Variants in GSE1 observed in about 807,000 individuals in gnomAD.
GSE1 encodes Gse1 coiled-coil protein.
In GSE1, 32 loss-of-function variants were observed where a neutral mutation model predicts 112.6. The observed-to-expected ratio is 0.28, with a 90% CI of 0.21 to 0.38. The LOEUF is 0.38. Ranked by LOEUF, GSE1 falls within the 10% of genes least tolerant of loss-of-function variation. The pLI, the probability that GSE1 is intolerant of heterozygous loss-of-function variation, is 1.00. For missense variants in GSE1, 2,348 were observed against 1,699.2 expected, an observed-to-expected ratio of 1.38 and a Z score of -6.71; for synonymous variants, 1,115 against 735.6, an observed-to-expected ratio of 1.52 and a Z score of -8.35.
intron 1 of GSE1, chr16:85,595,325 T>C (rs954340523): frequency 6.6e-6 from 1 of 152,290 alleles, no homozygotes; most frequent in Non-Finnish European, 1.5e-5. Flanking sequence ...AAGCATCCTT[T>C]CTCTGCATCC....
At chr16:85,503,986 G>C (rs2051453826) in intron 2 of GSE1, among the ~76,000 whole-genome samples, 1 of 152,216 alleles carries the variant, frequency 6.6e-6, no homozygotes. Context: ...GTCAGGTGTG[G>C]CGGTGGTCAC....
At chr16:85,517,162 C>A (rs948684368) in intron 2 of GSE1, among the ~76,000 whole-genome samples, 11 of 152,010 alleles carry the variant, frequency 7.2e-5, no homozygotes, top group African/African-American at 2.4e-4. Flanking sequence ...AGGCTGTGTC[C>A]CCCCTCGCTG....
chr16:85,591,027 C>T (rs2151433490), intron 1 of GSE1, among the ~76,000 whole-genome samples: 1 of 152,322 alleles, frequency 6.6e-6, no homozygotes, highest in Non-Finnish European at 1.5e-5. Context: ...ATTTGAGGTG[C>T]CTGTGTCCCG....
intron 1 of GSE1, among the ~76,000 whole-genome samples, chr16:85,571,191 C>T (rs2045965865): frequency 6.6e-6 from 1 of 152,142 alleles, no homozygotes; most frequent in African/African-American, 2.4e-5. Flanking sequence ...TCCCTTGAGC[C>T]CCGGAGTCAC....
intron 1 of GSE1, among the ~76,000 whole-genome samples, chr16:85,345,661 T>G (rs903174104): frequency 6.6e-6 from 1 of 152,250 alleles, no homozygotes; most frequent in Admixed American, 6.5e-5. Flanking sequence ...CTTGTGCTGT[T>G]TGTCCTTATG....
At chr16:85,281,545 T>C (rs965958804) in intron 1 of GSE1, among the ~76,000 whole-genome samples, 2 of 152,202 alleles carry the variant, frequency 1.3e-5, no homozygotes, top group African/African-American at 2.4e-5. Flanking sequence ...TCTTAATTAG[T>C]TGGGGCTAAG....
chr16:85,615,964 C>T (rs900371877), intron 1 of GSE1, among the ~76,000 whole-genome samples: 6 of 152,252 alleles, frequency 3.9e-5, no homozygotes, highest in South Asian at 2.1e-4. Flanking sequence ...AAGCCTCCTC[C>T]GATGGCCCCG....
At chr16:85,476,754 G>A (rs967252759) in intron 2 of GSE1, among the ~76,000 whole-genome samples, 8 of 150,546 alleles carry the variant, frequency 5.3e-5, no homozygotes, top group Admixed American at 2.0e-4. Flanking sequence ...GACTATAGGC[G>A]TGCACCACCA....
At chr16:85,350,573 A>AAGACGCCTTCCCCAGCAC (rs776935771) in intron 1 of GSE1, among the ~76,000 whole-genome samples, 2 of 151,900 alleles carry the variant, frequency 1.3e-5, no homozygotes, top group Non-Finnish European at 2.9e-5. Flanking sequence ...ACCCAAGGCC[A>AAGACGCCTTCCCCAGCAC]AGACGCCTTC....
chr16:85,331,359 G>GTATATATATGTATA, intron 1 of GSE1, among the ~76,000 whole-genome samples: 1 of 54,480 alleles, frequency 1.8e-5, no homozygotes, highest in Non-Finnish European at 4.4e-5. Context: ...GTGTGTGTGT[G>GTATATATATGTATA]TGTGTGTATA....
chr16:85,247,031 A>T (rs1285990665), intron 1 of GSE1, among the ~76,000 whole-genome samples: 1 of 151,754 alleles, frequency 6.6e-6, no homozygotes, highest in Admixed American at 6.6e-5. Context: ...TTCTTCTCTG[A>T]CCCATCTCGT....
intron 2 of GSE1, among the ~76,000 whole-genome samples, chr16:85,367,265 C>T (rs2047203929): frequency 6.6e-6 from 1 of 152,196 alleles, no homozygotes. Context: ...GCAACTTCAC[C>T]ACGGCTCCGA....
upstream of GSE1, chr16:85,555,656 A>G: frequency 1.0e-6 from 1 of 959,044 alleles, no homozygotes; most frequent in Non-Finnish European, 1.2e-6. Flanking sequence ...CTTGGCAACA[A>G]GAGATACCCC....
At chr16:85,611,065 C>T (rs961157378), upstream of GSE1, among the ~76,000 whole-genome samples, 4 of 152,252 alleles carry the variant, frequency 2.6e-5, no homozygotes, top group African/African-American at 9.6e-5. Context: ...TAGGTGGTGG[C>T]ACCGTGTCCG....
chr16:85,596,834 G>A (rs939570021), intron 1 of GSE1, among the ~76,000 whole-genome samples: 5 of 152,058 alleles, frequency 3.3e-5, no homozygotes, highest in South Asian at 2.1e-4. Context: ...CCAGGACTTC[G>A]AGATCAGCCT....
At chr16:85,394,586 C>CAA (rs1491049073) in intron 2 of GSE1, among the ~76,000 whole-genome samples, 1 of 152,138 alleles carries the variant, frequency 6.6e-6, no homozygotes, top group African/African-American at 2.4e-5. Context: ...AGCCCCCGCG[C>CAA]ACACACACAC....
At chr16:85,381,204 C>G (rs772859226) in intron 2 of GSE1, among the ~76,000 whole-genome samples, 3 of 152,198 alleles carry the variant, frequency 2.0e-5, no homozygotes, top group African/African-American at 7.2e-5. Flanking sequence ...GGAATCGTAC[C>G]GTTTGTAGCC....
rs530272430 is a variant in GSE1, at chr16:85,448,515, C to T, written c.2464+90872C>T. Among the ~76,000 whole-genome samples the T allele has an allele frequency of 2.6e-4, 40 of 152,320 alleles. 1 individual carries two copies. The highest frequency in any genetic ancestry group is 1.7e-3 in the Admixed American group (26 of 15,304). The stretch of plus-strand genomic sequence containing the variant: ...GCTATTGTTAGCCCTGTGCAGTGGA[C>T]ATGAGACTGAGAGATGAGGCGGGAC... On this transcript the variant is annotated intron_variant, in intron 2 of 2. Transcript: ENST00000637419.
At chr16:85,449,885 A>T (rs1308676986) in intron 2 of GSE1, among the ~76,000 whole-genome samples, 1 of 152,198 alleles carries the variant, frequency 6.6e-6, no homozygotes, top group African/African-American at 2.4e-5. Flanking sequence ...TAAAACACAG[A>T]AAGTTGTGCT....
Sources: gnomAD v4.1 joint callset for allele counts (sites outside exome capture counted in the v4.1 genomes callset) on GRCh38, gnomAD v4.1.1 for gene constraint, MANE v1.5 for transcripts, NCBI Gene and HGNC (gene_info 2026-07-23, HGNC 2026-07-21) for gene names.